GAREM1: variants seen among roughly 807,000 people sequenced by gnomAD.
GAREM1 encodes the protein GRB2 associated regulator of MAPK1 subtype 1.
GAREM1 carries 26 observed loss-of-function variants against 71.3 expected under a neutral mutation model. The ratio of observed to expected loss-of-function variants is 0.36; its 90% confidence interval spans 0.27 to 0.51. The LOEUF (loss-of-function observed/expected upper bound fraction) is 0.51, where lower values mean the gene tolerates loss of function less well. GAREM1 is among the 20% of genes least tolerant of loss of function. The probability of loss-of-function intolerance (pLI) is 0.95; values close to 1 mark genes in which losing one functional copy is unlikely to be tolerated. For missense variants in GAREM1, 1,026 were observed against 1,103.1 expected, an observed-to-expected ratio of 0.93 and a Z score of 0.99; for synonymous variants, 440 against 433.2, an observed-to-expected ratio of 1.02 and a Z score of -0.20.
At chr18:32,456,832 A>T (rs2048894342) in intron 1 of GAREM1, among the ~76,000 whole-genome samples, 1 of 152,172 alleles carries the variant, frequency 6.6e-6, no homozygotes, top group Admixed American at 6.6e-5. Flanking sequence ...GAGTATTTTC[A>T]CATCACGGAA....
chr18:32,302,898 C>G lies in GAREM1; in HGVS notation c.393+7295G>C. The stretch of plus-strand genomic sequence containing the variant: ...TCCTTCTCCCCACATTACAGTGGCT[C>G]TGCTGCTAGGCACTGACACCCCAGC... On this transcript the variant is annotated intron_variant, in intron 3 of 5. Coordinates refer to ENST00000269209, the MANE Select transcript of GAREM1 (RefSeq NM_001242409.2). Among the ~76,000 whole-genome samples, 2 of 152,220 alleles carry G rather than the reference C, an allele frequency of 1.3e-5. 1 individual carries two copies. The highest frequency in any genetic ancestry group is 2.9e-5 in the Non-Finnish European group (2 of 68,044).
chr18:32,375,071 A>G (rs1009388301), intron 2 of GAREM1, among the ~76,000 whole-genome samples: 1 of 152,210 alleles, frequency 6.6e-6, no homozygotes, highest in Non-Finnish European at 1.5e-5. Context: ...CAATTATTAT[A>G]AATTATATAT....
At chr18:32,447,484 AAAGT>A (rs2048795930) in intron 1 of GAREM1, among the ~76,000 whole-genome samples, 1 of 152,198 alleles carries the variant, frequency 6.6e-6, no homozygotes, top group African/African-American at 2.4e-5. Flanking sequence ...CCTTTATAGA[AAAGT>A]AAGGCTTTTA....
At chr18:32,270,811 C>T (rs2041450081) in intron 4 of GAREM1, among the ~76,000 whole-genome samples, 2 of 150,548 alleles carry the variant, frequency 1.3e-5, no homozygotes, top group South Asian at 4.2e-4. Context: ...TTTCATTGTT[C>T]AAGCTGAATT....
At chr18:32,373,796 A>T (rs1011761945) in intron 2 of GAREM1, among the ~76,000 whole-genome samples, 2 of 152,218 alleles carry the variant, frequency 1.3e-5, no homozygotes, top group Non-Finnish European at 2.9e-5. Flanking sequence ...ATCTACTGCC[A>T]ATGGTGTCAA....
intron 1 of GAREM1, among the ~76,000 whole-genome samples, chr18:32,440,288 C>T (rs576743357): frequency 2.4e-4 from 36 of 152,268 alleles, no homozygotes; most frequent in Middle Eastern, 3.4e-3. Flanking sequence ...TAAGATCACA[C>T]GGCTTCTACA....
chr18:32,371,835 T>C (rs969500988), intron 2 of GAREM1, among the ~76,000 whole-genome samples: 16 of 151,914 alleles, frequency 1.1e-4, no homozygotes, highest in Admixed American at 2.6e-4. Flanking sequence ...ATGGCACAAG[T>C]GATAATCTTA....
chr18:32,466,892 C>T (rs1250239577), intron 1 of GAREM1, among the ~76,000 whole-genome samples: 2 of 152,104 alleles, frequency 1.3e-5, no homozygotes, highest in African/African-American at 4.8e-5. Flanking sequence ...TCTCTGGGTT[C>T]TCCAGAAAAA....
intron 2 of GAREM1, among the ~76,000 whole-genome samples, chr18:32,389,382 AG>A (rs1203629909): frequency 1.3e-5 from 2 of 152,176 alleles, no homozygotes; most frequent in Non-Finnish European, 2.9e-5. Context: ...ACACTCTGAA[AG>A]GTGTTTCTCT....
intron 2 of GAREM1, among the ~76,000 whole-genome samples, chr18:32,345,757 G>A (rs531116254): frequency 6.6e-6 from 1 of 152,282 alleles, no homozygotes; most frequent in South Asian, 2.1e-4. Flanking sequence ...CTGAGAACTG[G>A]GTGATAATGG....
intron 4 of GAREM1, among the ~76,000 whole-genome samples, chr18:32,274,673 C>T (rs1035261068): frequency 1.3e-5 from 2 of 152,080 alleles, no homozygotes; most frequent in African/African-American, 4.8e-5. Flanking sequence ...ACTCAGTGTC[C>T]CCCCAGCACA....
intron 2 of GAREM1, among the ~76,000 whole-genome samples, chr18:32,354,836 G>C (rs1299792279): frequency 1.3e-5 from 2 of 152,154 alleles, no homozygotes; most frequent in East Asian, 1.9e-4. Context: ...AAGTGAAGAG[G>C]GAGTGTCAGA....
chr18:32,274,737 TAAAC>T (rs2041514660), intron 4 of GAREM1, among the ~76,000 whole-genome samples: 1 of 152,156 alleles, frequency 6.6e-6, no homozygotes, highest in African/African-American at 2.4e-5. Context: ...CCACCACACC[TAAAC>T]ACCAGTTCCT....
chr18:32,316,501 G>A (rs570995215), intron 2 of GAREM1, among the ~76,000 whole-genome samples: 23 of 152,294 alleles, frequency 1.5e-4, no homozygotes, highest in African/African-American at 4.8e-4. Flanking sequence ...TGCCCAGGCT[G>A]GAGTGCAGTG....
At chr18:32,271,014 C>T (rs1229156454) in intron 4 of GAREM1, among the ~76,000 whole-genome samples, 1 of 147,002 alleles carries the variant, frequency 6.8e-6, no homozygotes, top group Non-Finnish European at 1.5e-5. Context: ...TCAGGTGATC[C>T]TCCCACCTCA....
At chr18:32,339,434 G>C (rs2047628043) in intron 2 of GAREM1, among the ~76,000 whole-genome samples, 1 of 152,278 alleles carries the variant, frequency 6.6e-6, no homozygotes, top group South Asian at 2.1e-4. Flanking sequence ...TGGCCTCTAA[G>C]AAAAACTTCT....
chr18:32,396,263 C>G (rs535432527), intron 1 of GAREM1, among the ~76,000 whole-genome samples: 1 of 152,298 alleles, frequency 6.6e-6, no homozygotes, highest in Admixed American at 6.5e-5. Context: ...CACCTCTCCC[C>G]CTTCAAAGGA....
intron 3 of GAREM1, among the ~76,000 whole-genome samples, chr18:32,294,780 C>A (rs1318476925): frequency 6.6e-6 from 1 of 152,150 alleles, no homozygotes; most frequent in African/African-American, 2.4e-5. Flanking sequence ...ATAACTTACA[C>A]AAATGATGAA....
At chr18:32,363,995 C>CATACATATATATATAT (rs1555638699) in intron 2 of GAREM1, among the ~76,000 whole-genome samples, 3 of 21,338 alleles carry the variant, frequency 1.4e-4, no homozygotes, top group Non-Finnish European at 2.5e-4. Context: ...TACATATATA[C>CATACATATATATATAT]ATATATATAT....
Sources: gnomAD v4.1 joint callset for allele counts (sites outside exome capture counted in the v4.1 genomes callset) on GRCh38, gnomAD v4.1.1 for gene constraint, MANE v1.5 for transcripts, NCBI Gene and HGNC (gene_info 2026-07-23, HGNC 2026-07-21) for gene names.